Variants in KCNT2 observed in about 807,000 individuals in gnomAD.
KCNT2 encodes the protein potassium channel subfamily T member 2.
A neutral mutation model predicts 153.8 loss-of-function variants in KCNT2; 67 were observed. The ratio of observed to expected loss-of-function variants is 0.44; its 90% CI spans 0.36 to 0.53. KCNT2 has a LOEUF of 0.53. Among genes scored for constraint, KCNT2 ranks in the 20% least tolerant of loss-of-function variants. The pLI, the probability that KCNT2 is intolerant of heterozygous loss-of-function variation, is 0.00. For synonymous variants in KCNT2, 500 were observed against 458.8 expected (o/e 1.09, Z -1.15); for missense variants, 975 against 1,354.8 (o/e 0.72, Z 4.40).
chr1:196,343,980 A>G (rs1665913277), intron 14 of KCNT2, among the ~76,000 whole-genome samples: 1 of 152,128 alleles, frequency 6.6e-6, no homozygotes, highest in African/African-American at 2.4e-5. Flanking sequence ...GGGTTTCACC[A>G]TGCTGGACAG....
intron 26 of KCNT2, among the ~76,000 whole-genome samples, chr1:196,254,726 T>C (rs1656309617): frequency 6.6e-6 from 1 of 151,630 alleles, no homozygotes; most frequent in Non-Finnish European, 1.5e-5. Context: ...AATTCTTTCT[T>C]GTTAAGTTTG....
intron 5 of KCNT2, among the ~76,000 whole-genome samples, chr1:196,474,355 A>G (rs1286355103): frequency 6.6e-6 from 1 of 152,162 alleles, no homozygotes; most frequent in East Asian, 1.9e-4. Flanking sequence ...ATATTTAATA[A>G]AAGGTTTGGT....
intron 22 of KCNT2, among the ~76,000 whole-genome samples, chr1:196,294,752 C>T (rs536990221): frequency 6.6e-6 from 1 of 151,526 alleles, no homozygotes; most frequent in East Asian, 1.9e-4. Flanking sequence ...ATGGAAGCAA[C>T]CTAGGTGTCC....
chr1:196,378,832 A>T (rs1669205162), intron 13 of KCNT2, among the ~76,000 whole-genome samples: 1 of 147,910 alleles, frequency 6.8e-6, no homozygotes, highest in African/African-American at 2.5e-5. Context: ...TATATTATAT[A>T]TATATAATGT....
chr1:196,555,537 C>T (rs754940168), intron 1 of KCNT2, among the ~76,000 whole-genome samples: 10 of 151,122 alleles, frequency 6.6e-5, no homozygotes, highest in Non-Finnish European at 1.5e-4. Context: ...TCCATGTTCA[C>T]AGGTTGGAAG....
intron 1 of KCNT2, among the ~76,000 whole-genome samples, chr1:196,557,567 G>GA (rs201032595): frequency 0.059 from 8,606 of 146,452 alleles, 372 homozygotes; most frequent in Non-Finnish European, 0.086. Context: ...ATCTCGTGTA[G>GA]AAAAAAAAAA....
At chr1:196,275,221 A>G (rs1308208598) in intron 25 of KCNT2, among the ~76,000 whole-genome samples, 2 of 151,814 alleles carry the variant, frequency 1.3e-5, no homozygotes, top group Non-Finnish European at 2.9e-5. Flanking sequence ...TCCTTCCTAT[A>G]TATGTTGTTC....
At chr1:196,306,900 G>A (rs1039808638) in intron 21 of KCNT2, among the ~76,000 whole-genome samples, 3 of 151,876 alleles carry the variant, frequency 2.0e-5, no homozygotes, top group East Asian at 1.9e-4. Flanking sequence ...AAGTATATAC[G>A]TATTTTTCTA....
At chr1:196,322,532 A>G (rs1393849820) in intron 19 of KCNT2, among the ~76,000 whole-genome samples, 1 of 151,934 alleles carries the variant, frequency 6.6e-6, no homozygotes, top group Non-Finnish European at 1.5e-5. Flanking sequence ...CTTAACTGTA[A>G]TTCTATTAGA....
intron 14 of KCNT2, among the ~76,000 whole-genome samples, chr1:196,363,921 C>T (rs1667830493): frequency 6.6e-6 from 1 of 152,076 alleles, no homozygotes; most frequent in Non-Finnish European, 1.5e-5. Context: ...AGAGGCACAT[C>T]TGTATTTCTG....
chr1:196,359,278 C>T (rs1270144273), intron 14 of KCNT2, among the ~76,000 whole-genome samples: 4 of 151,878 alleles, frequency 2.6e-5, no homozygotes, highest in East Asian at 3.9e-4. Context: ...AAGTCTGGGC[C>T]GTGATTTCCA....
chr1:196,554,111 A>T (rs959728286), intron 1 of KCNT2, among the ~76,000 whole-genome samples: 1 of 151,334 alleles, frequency 6.6e-6, no homozygotes, highest in Non-Finnish European at 1.5e-5. Flanking sequence ...AAAGAGCTAT[A>T]AAAACAAGAG....
At chr1:196,268,720 C>T (rs1657776199) in intron 25 of KCNT2, among the ~76,000 whole-genome samples, 1 of 152,038 alleles carries the variant, frequency 6.6e-6, no homozygotes, top group Non-Finnish European at 1.5e-5. Flanking sequence ...AGAAACCTCA[C>T]CCAAAACCCA....
intron 8 of KCNT2, 55 bp from the exon 9 acceptor site, chr1:196,429,812 C>A: frequency 8.0e-7 from 1 of 1,252,566 alleles, no homozygotes; most frequent in East Asian, 2.4e-5. Flanking sequence ...CACATAATTT[C>A]TCATCATTAT....
intron 14 of KCNT2, among the ~76,000 whole-genome samples, chr1:196,343,407 A>G (rs1434625979): frequency 2.6e-5 from 4 of 152,194 alleles, no homozygotes; most frequent in South Asian, 2.1e-4. Context: ...ACACTTATGA[A>G]CTCTACAAAA....
chr1:196,374,758 A>G (rs1429885798), intron 13 of KCNT2, among the ~76,000 whole-genome samples: 1 of 151,802 alleles, frequency 6.6e-6, no homozygotes, highest in African/African-American at 2.4e-5. Context: ...AAATAGAGTG[A>G]CAAAACTGCT....
chr1:196,226,132 A>G lies in KCNT2; in HGVS notation c.*2092T>C, dbSNP rs1448315092. On this transcript the variant is annotated 3_prime_UTR_variant, in exon 28 of 28. Coordinates refer to ENST00000294725, the MANE Select transcript of KCNT2 (RefSeq NM_198503.5). ...AATTTTTAGTTATATAGGAAATATA[A>G]TCATATCCTAGCTTAAAATCCTAGT... 1.3e-5 allele frequency: 2 copies of G among 152,030 alleles called. No homozygotes were observed. Among genetic ancestry groups the G allele is most frequent in the African/African-American group, 4.8e-5 (2 of 41,444 alleles). 9.4% of individuals were successfully genotyped at this position (152,030 alleles called of 1,614,324 possible).
chr1:196,254,088 C>T (rs1329249211), intron 26 of KCNT2, among the ~76,000 whole-genome samples: 1 of 151,332 alleles, frequency 6.6e-6, no homozygotes, highest in Non-Finnish European at 1.5e-5. Flanking sequence ...CAATTTATTG[C>T]TCAAATATTT....
chr1:196,326,651 T>C (rs1663890084), intron 19 of KCNT2, 66 bp downstream of exon 19: 4 of 884,006 alleles, frequency 4.5e-6, no homozygotes, highest in Non-Finnish European at 6.6e-6. Flanking sequence ...GGCAATTATT[T>C]TTGATATACA....
Sources: gnomAD v4.1 joint callset for allele counts (sites outside exome capture counted in the v4.1 genomes callset) on GRCh38, gnomAD v4.1.1 for gene constraint, MANE v1.5 for transcripts, NCBI Gene and HGNC (gene_info 2026-07-23, HGNC 2026-07-21) for gene names.